Variants in L2HGDH observed in about 807,000 individuals in gnomAD.
L2HGDH encodes L-2-hydroxyglutarate dehydrogenase.
In L2HGDH, 34 loss-of-function variants were observed where a neutral mutation model predicts 51.5. That is an observed-to-expected ratio of 0.66 (90% confidence interval 0.50 to 0.88). The LOEUF is 0.88. Ranked by LOEUF, L2HGDH falls within the 40% of genes least tolerant of loss-of-function variation. The probability of loss-of-function intolerance (pLI) is 0.00; values close to 1 mark genes in which losing one functional copy is unlikely to be tolerated. For missense variants in L2HGDH, 558 were observed against 571.9 expected, an observed-to-expected ratio of 0.98 and a Z score of 0.25; for synonymous variants, 198 against 197.9, an observed-to-expected ratio of 1.00 and a Z score of -0.01.
Position 50,243,243 on chromosome 14 carries a change from T to C in L2HGDH, c.*3815A>G. The C allele has an allele frequency of 2.0e-6, 2 of 985,430 alleles. No individual in the cohort carries two copies. The highest frequency in any genetic ancestry group is 2.4e-6 in the Non-Finnish European group (2 of 829,928). The allele number at this position is 985,430 out of a possible 1,614,324, so 61.0% of individuals were successfully genotyped here. A position where few individuals can be genotyped will look rare whatever the true frequency, so the allele number is the denominator to read the frequency against. Reference sequence around the variant, plus strand: ...CATGAAACACCAAAAATATACTTGCTGGTACATCAAGAGTTCCTCACAAAC... The same window carrying C: ...CATGAAACACCAAAAATATACTTGCCGGTACATCAAGAGTTCCTCACAAAC... On this transcript the variant is annotated 3_prime_UTR_variant, in exon 10 of 10. Coordinates refer to ENST00000267436, the MANE Select transcript of L2HGDH (RefSeq NM_024884.3).
chr14:50,304,409 T>C lies in L2HGDH; in HGVS notation c.141-1392A>G, dbSNP rs1447168469. 2.0e-5 allele frequency among the ~76,000 whole-genome samples: 3 copies of C among 152,234 alleles called. No individual in the cohort carries two copies. The East Asian group carries it at 5.8e-4, about 29-fold the overall frequency. ...ACATTAAAGCTTTAACACTTTAGTG[T>C]GCAAGAATTTTTACAAGTTTTTCTT... is the stretch of plus-strand genomic sequence containing the variant. On this transcript the variant is annotated intron_variant, in intron 1 of 9. Coordinates refer to ENST00000267436, the MANE Select transcript of L2HGDH (RefSeq NM_024884.3).
chr14:50,244,398 A>T lies in L2HGDH; in HGVS notation c.*2660T>A, dbSNP rs567453079. 1.0e-6 allele frequency: 1 copy of T among 985,294 alleles called. No individual in the cohort carries two copies. The highest frequency in any genetic ancestry group is 1.7e-5 in the African/African-American group (1 of 57,236). 61.0% of individuals were successfully genotyped at this position (985,294 alleles called of 1,614,324 possible). ...CTCAAATGGATTGAGGACTGCTTCAATTAGGACAATCATTTTTTGTAATTC... is the reference window on the plus strand; with the variant it reads ...CTCAAATGGATTGAGGACTGCTTCATTTAGGACAATCATTTTTTGTAATTC... On this transcript the variant is annotated 3_prime_UTR_variant, in exon 10 of 10. Transcript: ENST00000267436.
intron 1 of L2HGDH, among the ~76,000 whole-genome samples, chr14:50,305,716 T>C (rs2030684671): frequency 6.6e-6 from 1 of 152,242 alleles, no homozygotes; most frequent in Non-Finnish European, 1.5e-5. Context: ...TGTATGTGTA[T>C]TACTTAATCA....
chr14:50,296,660 A>C (rs1041162765), intron 3 of L2HGDH, among the ~76,000 whole-genome samples: 1 of 151,742 alleles, frequency 6.6e-6, no homozygotes, highest in Non-Finnish European at 1.5e-5. Context: ...TTAAAAAAAA[A>C]AGTAATACTA....
chr14:50,261,365 A>C (rs1476572834), intron 9 of L2HGDH, among the ~76,000 whole-genome samples: 1 of 152,238 alleles, frequency 6.6e-6, no homozygotes, highest in Non-Finnish European at 1.5e-5. Flanking sequence ...TCCAAATTGA[A>C]AATGGGGAAA....
intron 5 of L2HGDH, among the ~76,000 whole-genome samples, chr14:50,281,436 T>C (rs1277223955): frequency 6.6e-6 from 1 of 151,982 alleles, no homozygotes; most frequent in Admixed American, 6.6e-5. Flanking sequence ...CTACTAAAAA[T>C]ACAAAATTAG....
intron 9 of L2HGDH, among the ~76,000 whole-genome samples, chr14:50,248,000 A>G (rs1013366792): frequency 2.1e-4 from 32 of 151,894 alleles, no homozygotes; most frequent in Admixed American, 1.5e-3. Flanking sequence ...AGGTTTCCCT[A>G]CGTTGCCCAG....
chr14:50,254,793 C>T (rs1888562955), intron 9 of L2HGDH, among the ~76,000 whole-genome samples: 1 of 152,006 alleles, frequency 6.6e-6, no homozygotes, highest in Non-Finnish European at 1.5e-5. Flanking sequence ...AATCCTAGAA[C>T]TTTGGGAGGC....
intron 1 of L2HGDH, among the ~76,000 whole-genome samples, chr14:50,309,577 T>A (rs1455687647): frequency 2.0e-4 from 28 of 142,122 alleles, no homozygotes; most frequent in Admixed American, 2.0e-3. Flanking sequence ...AAAAAAAAAA[T>A]TTAGATTCAC....
chr14:50,308,613 TG>T (rs1163712419), intron 1 of L2HGDH, among the ~76,000 whole-genome samples: 3 of 152,190 alleles, frequency 2.0e-5, no homozygotes, highest in African/African-American at 7.2e-5. Context: ...CCCCAAATGC[TG>T]GTGAGAATGA....
intron 6 of L2HGDH, among the ~76,000 whole-genome samples, chr14:50,270,096 A>G (rs1477950554): frequency 6.6e-6 from 1 of 152,130 alleles, no homozygotes; most frequent in Admixed American, 6.5e-5. Flanking sequence ...TTCCTAATCA[A>G]TATCTACTTT....
chr14:50,248,278 C>A (rs1888127364), intron 9 of L2HGDH, among the ~76,000 whole-genome samples: 1 of 152,148 alleles, frequency 6.6e-6, no homozygotes, highest in African/African-American at 2.4e-5. Flanking sequence ...CTATCTTATA[C>A]ACACCAGCAA....
chr14:50,294,628 C>G (rs890853003), intron 3 of L2HGDH, among the ~76,000 whole-genome samples: 4 of 152,122 alleles, frequency 2.6e-5, no homozygotes, highest in Non-Finnish European at 5.9e-5. Flanking sequence ...AACAGAATGG[C>G]CTTCTTATTT....
intron 1 of L2HGDH, among the ~76,000 whole-genome samples, chr14:50,304,280 ATGT>A (rs2030598515): frequency 6.6e-6 from 1 of 152,232 alleles, no homozygotes; most frequent in Admixed American, 6.5e-5. Context: ...GTTGACCAAA[ATGT>A]TGTTATGCGG....
At chr14:50,287,119 T>C (rs1206862782) in intron 4 of L2HGDH, 1 of 910,094 alleles carries the variant, frequency 1.1e-6, no homozygotes, top group Non-Finnish European at 1.3e-6. Context: ...GACACAAAAA[T>C]ATGTGTAATA....
chr14:50,242,975 C>G lies in L2HGDH; in HGVS notation c.*4083G>C. 1 of 985,332 alleles carries G rather than the reference C, an allele frequency of 1.0e-6. No homozygotes were observed. Among genetic ancestry groups the G allele is most frequent in the South Asian group, 4.7e-5 (1 of 21,282 alleles). 61.0% of individuals were successfully genotyped at this position (985,332 alleles called of 1,614,324 possible). ...GGTTGGATTGCCTCCAAAAGTAGGC[C>G]CTACAAACTCCCGTAGGCCAGGGCC... On this transcript the variant is annotated 3_prime_UTR_variant, in exon 10 of 10. Coordinates refer to ENST00000267436, the MANE Select transcript of L2HGDH (RefSeq NM_024884.3).
chr14:50,302,845 G>T, intron 2 of L2HGDH, 57 bp downstream of exon 2: 1 of 1,137,036 alleles, frequency 8.8e-7, no homozygotes, highest in Non-Finnish European at 1.3e-6. Flanking sequence ...ATTCACAACA[G>T]ACAAAATGAG....
At chr14:50,276,325 A>G (rs1191017155) in intron 6 of L2HGDH, among the ~76,000 whole-genome samples, 3 of 152,224 alleles carry the variant, frequency 2.0e-5, no homozygotes, top group Non-Finnish European at 4.4e-5. Context: ...AATTATAAAT[A>G]TTGGCTATGG....
At chr14:50,285,748 A>G (rs1425621151) in intron 4 of L2HGDH, among the ~76,000 whole-genome samples, 1 of 152,192 alleles carries the variant, frequency 6.6e-6, no homozygotes, top group Non-Finnish European at 1.5e-5. Flanking sequence ...CGTCTGACAC[A>G]CTGAAGACAC....
Sources: allele counts gnomAD v4.1 joint callset (sites outside exome capture counted in the v4.1 genomes callset), GRCh38; gene constraint gnomAD v4.1.1; transcripts MANE v1.5; gene names NCBI Gene and HGNC (gene_info 2026-07-23, HGNC 2026-07-21).